Variants in PPFIA2 observed in about 807,000 individuals in gnomAD.
The protein encoded by PPFIA2 is PPFI scaffold protein A2.
Under a neutral mutation model 175.5 loss-of-function variants are expected in PPFIA2, and 46 were observed. The observed-to-expected ratio is 0.26, with a 90% CI of 0.21 to 0.34. The LOEUF is 0.34. Ranked by LOEUF, PPFIA2 falls within the 10% of genes least tolerant of loss-of-function variation. The probability of loss-of-function intolerance (pLI) is 1.00; values close to 1 mark genes in which losing one functional copy is unlikely to be tolerated. For synonymous variants in PPFIA2, 568 were observed against 511.4 expected (o/e 1.11, Z -1.49); for missense variants, 1,179 against 1,506.1 (o/e 0.78, Z 3.60).
intron 32 of PPFIA2, chr12:81,259,942 T>C: frequency 3.6e-6 from 1 of 280,402 alleles, no homozygotes; most frequent in Non-Finnish European, 6.6e-6. Context: ...TTAGCATGCC[T>C]TCTGAAAAAT....
intron 4 of PPFIA2, among the ~76,000 whole-genome samples, chr12:81,566,530 C>CAAAAAAAAAAAAAAAAAAAAAAAAAAA (rs3075452): frequency 1.5e-5 from 1 of 68,452 alleles, no homozygotes; most frequent in Admixed American, 2.0e-4. Context: ...GACTCCAACT[C>CAAAAAAAAAAAAAAAAAAAAAAAAAAA]AAAAAAAAAA....
intron 4 of PPFIA2, among the ~76,000 whole-genome samples, chr12:81,526,631 A>C (rs1432864842): frequency 6.6e-6 from 1 of 152,240 alleles, no homozygotes; most frequent in Admixed American, 6.5e-5. Flanking sequence ...ACAGGATGTC[A>C]AATAGCTGAA....
intron 22 of PPFIA2, chr12:81,302,566 G>A (rs1485331835): frequency 1.0e-5 from 3 of 287,968 alleles, no homozygotes; most frequent in East Asian, 9.7e-5. Context: ...AACAGTTAGG[G>A]CAAAATCTCT....
chr12:81,480,237 G>A (rs550948714), intron 4 of PPFIA2, among the ~76,000 whole-genome samples: 4 of 151,920 alleles, frequency 2.6e-5, no homozygotes, highest in African/African-American at 4.8e-5. Flanking sequence ...TGAAGTACTC[G>A]TGTTGTGTTT....
At chr12:81,487,974 A>T (rs748519487) in intron 4 of PPFIA2, among the ~76,000 whole-genome samples, 16 of 151,870 alleles carry the variant, frequency 1.1e-4, no homozygotes, top group Non-Finnish European at 2.1e-4. Context: ...ATTCATTATC[A>T]CTTTTAAAGT....
chr12:81,368,563 CT>C, intron 13 of PPFIA2, among the ~76,000 whole-genome samples, 161 bp downstream of exon 13: 1 of 151,838 alleles, frequency 6.6e-6, no homozygotes, highest in African/African-American at 2.4e-5. Flanking sequence ...TGATCTTACA[CT>C]TTTTTAAATA....
intron 4 of PPFIA2, among the ~76,000 whole-genome samples, chr12:81,648,323 T>TA (rs1437402462): frequency 1.3e-5 from 2 of 151,998 alleles, no homozygotes; most frequent in Admixed American, 1.3e-4. Flanking sequence ...CAACAAAGTA[T>TA]AAAATTTCAC....
chr12:81,533,735 C>CTATCTATA (rs951462126), intron 4 of PPFIA2, among the ~76,000 whole-genome samples: 4,378 of 73,456 alleles, frequency 0.06, 95 homozygotes, highest in East Asian at 0.16. Flanking sequence ...ATCTATCTAT[C>CTATCTATA]TATATATCTA....
chr12:81,283,925 T>C (rs889077190), intron 25 of PPFIA2, among the ~76,000 whole-genome samples: 1 of 152,312 alleles, frequency 6.6e-6, no homozygotes, highest in Admixed American at 6.5e-5. Flanking sequence ...AGAAACATGT[T>C]ACCTGTGAAT....
rs577298474 is a variant in PPFIA2, at chr12:81,547,852, T to G, written c.304-89986A>C. 5.4e-4 allele frequency among the ~76,000 whole-genome samples: 82 copies of G among 152,324 alleles called. 1 individual carries two copies. The highest frequency in any genetic ancestry group is 8.8e-5 in the Non-Finnish European group (6 of 68,026). On this transcript the variant is annotated intron_variant, in intron 4 of 32. Coordinates refer to ENST00000549396, the MANE Select transcript of PPFIA2 (RefSeq NM_003625.5). ...ATGGACTAGAACACTAATGTGGTTT[T>G]CTGGCAAAGAACTATCCTTACTTAA...
chr12:81,715,393 T>C (rs1454959683), intron 3 of PPFIA2, among the ~76,000 whole-genome samples: 1 of 151,830 alleles, frequency 6.6e-6, no homozygotes, highest in Non-Finnish European at 1.5e-5. Context: ...TTGTGCTCTA[T>C]GGTTTGTATA....
chr12:81,274,567 G>A (rs1039802575), intron 28 of PPFIA2, among the ~76,000 whole-genome samples: 4 of 150,440 alleles, frequency 2.7e-5, no homozygotes, highest in Admixed American at 6.7e-5. Flanking sequence ...CTGTTTCCAA[G>A]CAATGTATGC....
intron 4 of PPFIA2, among the ~76,000 whole-genome samples, chr12:81,485,914 C>G (rs573230840): frequency 1.2e-4 from 18 of 151,902 alleles, no homozygotes; most frequent in African/African-American, 3.9e-4. Context: ...ACTAAGTACC[C>G]CATCTGCAAT....
intron 5 of PPFIA2, among the ~76,000 whole-genome samples, chr12:81,453,315 T>C (rs1330369255): frequency 6.6e-6 from 1 of 151,784 alleles, no homozygotes; most frequent in Non-Finnish European, 1.5e-5. Flanking sequence ...GCTATAAAAA[T>C]AGTTGAAACA....
chr12:81,334,086 C>G (rs191992024), intron 21 of PPFIA2, among the ~76,000 whole-genome samples: 4 of 152,230 alleles, frequency 2.6e-5, no homozygotes, highest in African/African-American at 7.2e-5. Flanking sequence ...TCTGACATGG[C>G]TATTTTTAAC....
intron 4 of PPFIA2, among the ~76,000 whole-genome samples, chr12:81,563,875 A>C (rs184724561): frequency 5.3e-5 from 8 of 152,346 alleles, no homozygotes. Context: ...AAAAGTACAC[A>C]AATAATTGTA....
intron 3 of PPFIA2, among the ~76,000 whole-genome samples, chr12:81,690,864 C>A: frequency 6.6e-6 from 1 of 152,170 alleles, no homozygotes; most frequent in East Asian, 1.9e-4. Flanking sequence ...GGCTTATGGC[C>A]TCTTCCTCCA....
intron 8 of PPFIA2, among the ~76,000 whole-genome samples, chr12:81,389,132 TA>T (rs1217723614): frequency 2.0e-5 from 3 of 148,224 alleles, no homozygotes; most frequent in Non-Finnish European, 4.5e-5. Context: ...ATTTTATATA[TA>T]TATATATATA....
intron 3 of PPFIA2, among the ~76,000 whole-genome samples, chr12:81,709,666 C>A (rs528985692): frequency 2.0e-5 from 3 of 151,782 alleles, no homozygotes; most frequent in African/African-American, 7.3e-5. Context: ...TAAGCAGATC[C>A]CTGTAGCAAA....
Sources: allele counts gnomAD v4.1 joint callset (sites outside exome capture counted in the v4.1 genomes callset), GRCh38; gene constraint gnomAD v4.1.1; transcripts MANE v1.5; gene names NCBI Gene and HGNC (gene_info 2026-07-23, HGNC 2026-07-21).